The following IL2RA variants were observed in gnomAD, a reference collection of about 807,000 sequenced individuals.
IL2RA encodes the protein interleukin 2 receptor subunit alpha, also known as interleukin-2 receptor subunit alpha.
IL2RA carries 24 observed loss-of-function variants against 37.8 expected under a neutral mutation model. That is an observed-to-expected ratio of 0.63 (90% confidence interval 0.46 to 0.89). The LOEUF (loss-of-function observed/expected upper bound fraction) is 0.89. Among genes scored for constraint, IL2RA ranks in the 40% least tolerant of loss-of-function variants. IL2RA has a pLI of 0.00. For missense variants in IL2RA, 319 were observed against 348.6 expected (o/e 0.92, Z 0.68); for synonymous variants, 125 against 114.6 (o/e 1.09, Z -0.58).
intron 1 of IL2RA, among the ~76,000 whole-genome samples, chr10:6,059,140 C>T (rs1311460266): frequency 6.6e-6 from 1 of 152,196 alleles, no homozygotes; most frequent in African/African-American, 2.4e-5. Context: ...ATTCCAGAAA[C>T]TTGACCCCTG....
rs1009318178 is a variant in IL2RA, at chr10:6,058,256, C to T, written c.64+3832G>A. Among the ~76,000 whole-genome samples, 9 of 152,134 alleles carry T rather than the reference C, an allele frequency of 5.9e-5. No homozygotes were observed. The highest frequency in any genetic ancestry group is 7.2e-5 in the African/African-American group (3 of 41,424). ...TAGTGGAGTTTTAGAGCTCAGCAAC[C>T]GTTCTATATTAGCACCTCTAACTGA... On this transcript the variant is annotated intron_variant, in intron 1 of 7. Coordinates refer to ENST00000379959, the MANE Select transcript of IL2RA (RefSeq NM_000417.3). The surrounding 1 kb of genome is among the most constrained non-coding windows in gnomAD (Gnocchi z 4.2).
In IL2RA at chr10:6,021,204, T is replaced by A. The variant is rs1839380608; in HGVS notation, c.583+274A>T. ...ACCAACTACGAGGCAGCATCTAGGGTGCTTAGGAGAGGGCTTTCCTTCTCT... is the reference window on the plus strand; with the variant it reads ...ACCAACTACGAGGCAGCATCTAGGGAGCTTAGGAGAGGGCTTTCCTTCTCT... On this transcript the variant is annotated intron_variant, in intron 4 of 7. Coordinates refer to ENST00000379959, the MANE Select transcript of IL2RA (RefSeq NM_000417.3). The surrounding 1 kb of genome is among the most constrained non-coding windows in gnomAD (Gnocchi z 4.9). Among the ~76,000 whole-genome samples the A allele has an allele frequency of 6.6e-6, 1 of 151,970 alleles. No individual in the cohort carries two copies. Among genetic ancestry groups the A allele is most frequent in the Non-Finnish European group, 1.5e-5 (1 of 67,988 alleles).
At chr10:6,050,045 T>C (rs1182578044) in intron 1 of IL2RA, among the ~76,000 whole-genome samples, 1 of 152,120 alleles carries the variant, frequency 6.6e-6, no homozygotes, top group Non-Finnish European at 1.5e-5. Flanking sequence ...GCATGTTGTG[T>C]GCCAGGCAGA....
At position 6,062,234 on chromosome 10, in the gene IL2RA, G is replaced by T; in HGVS notation, c.-83C>A. 8.2e-7 allele frequency: 1 copy of T among 1,212,566 alleles called. No homozygotes were observed. Among genetic ancestry groups the T allele is most frequent in the Non-Finnish European group, 1.2e-6 (1 of 817,920 alleles). The allele number at this position is 1,212,566 out of a possible 1,614,324, so 75.1% of individuals were successfully genotyped here. On this transcript the variant is annotated 5_prime_UTR_variant, in exon 1 of 8. Coordinates refer to ENST00000379959, the MANE Select transcript of IL2RA (RefSeq NM_000417.3). Reference sequence around the variant, plus strand: ...GCCCAGTTGCCGTCAGCCTCTTTTTGGCATCGCGCCGGAGGATGTGGGATG... The same window carrying T: ...GCCCAGTTGCCGTCAGCCTCTTTTTTGCATCGCGCCGGAGGATGTGGGATG...
rs1840054752 is a variant in IL2RA at position 6,056,911 on chromosome 10, C to T, written c.64+5177G>A. On this transcript the variant is annotated intron_variant, in intron 1 of 7. Coordinates refer to ENST00000379959, the MANE Select transcript of IL2RA (RefSeq NM_000417.3). The surrounding 1 kb of genome is among the most constrained non-coding windows in gnomAD (Gnocchi z 5.0). ...CAAACAAACAGCAGAGGACCCCGCC[C>T]TCCCTGTCCAGGGCAGGAGCACAGT... 6.6e-6 allele frequency among the ~76,000 whole-genome samples: 1 copy of T among 152,204 alleles called. No individual in the cohort carries two copies. The highest frequency in any genetic ancestry group is 2.4e-5 in the African/African-American group (1 of 41,442).
intron 1 of IL2RA, among the ~76,000 whole-genome samples, chr10:6,037,114 C>G (rs966150402): frequency 4.6e-5 from 7 of 152,314 alleles, no homozygotes; most frequent in South Asian, 2.1e-4. Context: ...ACAGTGAGTG[C>G]TGCTCAATCT....
At chr10:6,060,720 G>C (rs569078147) in intron 1 of IL2RA, among the ~76,000 whole-genome samples, 1 of 152,118 alleles carries the variant, frequency 6.6e-6, no homozygotes, top group Admixed American at 6.5e-5. Flanking sequence ...TCACGCCACT[G>C]CACTCCAGCC....
chr10:6,055,827 G>T (rs1159696122), intron 1 of IL2RA, among the ~76,000 whole-genome samples: 1 of 1,566 alleles, frequency 6.4e-4, no homozygotes, highest in African/African-American at 5.2e-3. Context: ...CTGGCCGGGC[G>T]GGGGGGCCGA....
Position 6,011,713 on chromosome 10 carries a change from C to CTAATT in IL2RA, c.*1154_*1158dup, listed in dbSNP as rs543983290. The CTAATT allele has an allele frequency of 3.2e-4, 48 of 152,370 alleles. No homozygotes were observed. The highest frequency in any genetic ancestry group is 1.1e-3 in the African/African-American group (46 of 41,544). 9.4% of individuals were successfully genotyped at this position (152,370 alleles called of 1,614,324 possible). On this transcript the variant is annotated 3_prime_UTR_variant, in exon 8 of 8. Coordinates refer to ENST00000379959, the MANE Select transcript of IL2RA (RefSeq NM_000417.3). This position sits in a 1 kb window ranked among gnomAD's most constrained non-coding sequence, Gnocchi z 5.2. Reference sequence around the variant, plus strand: ...GTATGCCACCACATCCAGCCAATTTCTAATTTTTTGTAGGGATGTGTCTTG... The same window carrying CTAATT: ...GTATGCCACCACATCCAGCCAATTTCTAATTTAATTTTTTGTAGGGATGTGTCTTG...
Position 6,020,776 on chromosome 10 carries a change from G to A in IL2RA, c.583+702C>T, listed in dbSNP as rs958903938. On this transcript the variant is annotated intron_variant, in intron 4 of 7. Transcript: ENST00000379959. The surrounding 1 kb of genome is among the most constrained non-coding windows in gnomAD (Gnocchi z 5.6). ...TCGAACTCCTGACCTAAAGTGATCT[G>A]CCCGCCTTGGCCTCCCAGAGTGCTG... is the stretch of plus-strand genomic sequence containing the variant. Among the ~76,000 whole-genome samples the A allele has an allele frequency of 6.6e-6, 1 of 152,090 alleles. No homozygotes were observed. The highest frequency in any genetic ancestry group is 1.5e-5 in the Non-Finnish European group (1 of 68,022).
Position 6,047,273 on chromosome 10 carries a change from C to T in IL2RA, c.64+14815G>A, listed in dbSNP as rs1839878252. Among the ~76,000 whole-genome samples the T allele has an allele frequency of 6.6e-6, 1 of 152,236 alleles. No individual in the cohort carries two copies. The highest frequency in any genetic ancestry group is 2.1e-4 in the South Asian group (1 of 4,832). ...CCATCCCGACCTCATACCATGTGCACAGCACCTGATGCTGGTGGGGTCAGG... is the reference window on the plus strand; with the variant it reads ...CCATCCCGACCTCATACCATGTGCATAGCACCTGATGCTGGTGGGGTCAGG... On this transcript the variant is annotated intron_variant, in intron 1 of 7. Transcript: ENST00000379959. The surrounding 1 kb of genome is among the most constrained non-coding windows in gnomAD (Gnocchi z 5.0).
At position 6,025,725 on chromosome 10, in the gene IL2RA, A is replaced by G. The variant is rs2025345; in HGVS notation, c.256+109T>C. ...ACCACTAAAATTAGTTATCCTGTAG[A>G]CTGGACTGGCCCATTTGTGTCTATA... On this transcript the variant is annotated intron_variant, in intron 2 of 7. Coordinates refer to ENST00000379959, the MANE Select transcript of IL2RA (RefSeq NM_000417.3). This position sits in a 1 kb window ranked among gnomAD's most constrained non-coding sequence, Gnocchi z 4.4. 0.36 allele frequency: 369,789 copies of G among 1,028,996 alleles called. 70,040 individuals are homozygous for G. The highest frequency in any genetic ancestry group is 0.54 in the Admixed American group (29,854 of 54,800). The allele number at this position is 1,028,996 out of a possible 1,614,324, so 63.7% of individuals were successfully genotyped here. A position where few individuals can be genotyped will look rare whatever the true frequency, so the allele number is the denominator to read the frequency against.
In IL2RA at chr10:6,022,769, A is replaced by G. The variant is rs1839408290; in HGVS notation, c.368-1076T>C. Among the ~76,000 whole-genome samples the G allele has an allele frequency of 6.8e-6, 1 of 147,792 alleles. No individual in the cohort carries two copies. The highest frequency in any genetic ancestry group is 2.4e-5 in the African/African-American group (1 of 40,980). On this transcript the variant is annotated intron_variant, in intron 3 of 7. Coordinates refer to ENST00000379959, the MANE Select transcript of IL2RA (RefSeq NM_000417.3). The surrounding 1 kb of genome is among the most constrained non-coding windows in gnomAD (Gnocchi z 4.7). ...GCTTCTTTCCAATGAAAACACCCAA[A>G]CTGAGACAATCTTTGAAACATCCCT...
intron 1 of IL2RA, among the ~76,000 whole-genome samples, chr10:6,042,148 C>CAAAAAAA (rs57093239): frequency 0.12 from 6,516 of 53,606 alleles, 1,532 homozygotes; most frequent in East Asian, 0.15. Context: ...ATGTATTAAG[C>CAAAAAAA]AAAAAAAAAA....
intron 1 of IL2RA, among the ~76,000 whole-genome samples, chr10:6,027,758 T>C (rs1265385645): frequency 3.3e-5 from 5 of 152,254 alleles, no homozygotes; most frequent in Non-Finnish European, 7.3e-5. Flanking sequence ...AGATAGAGAC[T>C]GGACTGAAGT....
At chr10:6,038,003 C>A (rs1839717454) in intron 1 of IL2RA, among the ~76,000 whole-genome samples, 1 of 152,144 alleles carries the variant, frequency 6.6e-6, no homozygotes, top group Admixed American at 6.5e-5. Flanking sequence ...GGTTTGGGTG[C>A]AAAAGGGATG....
rs1377806195 is a variant in IL2RA, at chr10:6,020,804, A to ATTAC, written c.583+670_583+673dup. The stretch of plus-strand genomic sequence containing the variant: ...CGCCTTGGCCTCCCAGAGTGCTGGG[A>ATTAC]TTACAGGTGTGAGCCACTGTGCCCA... On this transcript the variant is annotated intron_variant, in intron 4 of 7. Coordinates refer to ENST00000379959, the MANE Select transcript of IL2RA (RefSeq NM_000417.3). This position sits in a 1 kb window ranked among gnomAD's most constrained non-coding sequence, Gnocchi z 5.6. 4.6e-5 allele frequency among the ~76,000 whole-genome samples: 7 copies of ATTAC among 152,268 alleles called. No individual in the cohort carries two copies. The highest frequency in any genetic ancestry group is 1.7e-4 in the African/African-American group (7 of 41,552).
At chr10:6,031,455 CATATAT>C (rs869288057) in intron 1 of IL2RA, among the ~76,000 whole-genome samples, 33 of 67,170 alleles carry the variant, frequency 4.9e-4, no homozygotes, top group African/African-American at 8.5e-4. Flanking sequence ...TATATATATA[CATATAT>C]ATATATATAT....
rs186915902 is a variant in IL2RA at position 6,026,076 on chromosome 10, C to T, written c.65-51G>A. On this transcript the variant is annotated intron_variant, in intron 1 of 7. Transcript: ENST00000379959. ...GAACTCAAGAGGCCCCAGGCAAGTA[C>T]TCACATATTTAATCCTATAATGACT... 30 of 1,539,560 alleles carry T rather than the reference C, an allele frequency of 1.9e-5. No homozygotes were observed. In the Admixed American group the frequency reaches 3.2e-4, roughly 16 times the overall value.
Sources: allele counts gnomAD v4.1 joint callset (sites outside exome capture counted in the v4.1 genomes callset), GRCh38; gene constraint gnomAD v4.1.1; non-coding constraint Gnocchi (gnomAD v3.1); transcripts MANE v1.5; gene names NCBI Gene and HGNC (gene_info 2026-07-23, HGNC 2026-07-21).